EPHA7: variants seen among roughly 807,000 people sequenced by gnomAD.
EPHA7 encodes the protein ephrin type-A receptor 7.
In EPHA7, 25 loss-of-function variants were observed where a neutral mutation model predicts 112.6. The observed-to-expected ratio is 0.22, with a 90% CI of 0.16 to 0.31. EPHA7 has a LOEUF of 0.31. Ranked by LOEUF, EPHA7 falls within the 10% of genes least tolerant of loss-of-function variation. The pLI is 1.00. For missense variants in EPHA7, 962 were observed against 1,212.6 expected, an observed-to-expected ratio of 0.79 and a Z score of 3.07; for synonymous variants, 437 against 406.5, an observed-to-expected ratio of 1.07 and a Z score of -0.90.
At chr6:93,336,912 CAAA>C (rs750358186) in intron 5 of EPHA7, among the ~76,000 whole-genome samples, 11 of 147,642 alleles carry the variant, frequency 7.5e-5, no homozygotes, top group Non-Finnish European at 1.3e-4. Context: ...AAAGGAAAAA[CAAA>C]GAAGCTTTTA....
intron 5 of EPHA7, among the ~76,000 whole-genome samples, chr6:93,332,073 T>C (rs1055924109): frequency 6.6e-6 from 1 of 151,622 alleles, no homozygotes; most frequent in Non-Finnish European, 1.5e-5. Flanking sequence ...AAACAGGTAC[T>C]TGACTTTTGA....
intron 6 of EPHA7, 25 bp downstream of exon 6, chr6:93,272,273 C>T: frequency 6.2e-7 from 1 of 1,610,200 alleles, no homozygotes; most frequent in Non-Finnish European, 8.5e-7. Context: ...GCACATTGTA[C>T]ATTTCAGTTG....
intron 3 of EPHA7, among the ~76,000 whole-genome samples, chr6:93,364,718 C>A (rs1776425342): frequency 6.6e-6 from 1 of 151,790 alleles, no homozygotes; most frequent in South Asian, 2.1e-4. Flanking sequence ...TACCTATGTA[C>A]AACTACTGTG....
intron 5 of EPHA7, among the ~76,000 whole-genome samples, chr6:93,320,774 G>T (rs569101682): frequency 6.6e-6 from 1 of 151,962 alleles, no homozygotes; most frequent in East Asian, 1.9e-4. Flanking sequence ...ACACAGCTTT[G>T]CTAGTATTTA....
intron 5 of EPHA7, among the ~76,000 whole-genome samples, chr6:93,291,755 G>A (rs1003237990): frequency 2.1e-5 from 2 of 94,792 alleles, no homozygotes; most frequent in African/African-American, 8.2e-5. Context: ...GCGACAGAGC[G>A]AGACTCCGTC....
chr6:93,413,423 T>C (rs1779073019), intron 2 of EPHA7, among the ~76,000 whole-genome samples: 1 of 151,932 alleles, frequency 6.6e-6, no homozygotes, highest in Non-Finnish European at 1.5e-5. Flanking sequence ...TCCTCAGAGA[T>C]AAAACCATCC....
At chr6:93,243,619 T>C in intron 16 of EPHA7, 79 bp from the exon 17 acceptor site, 1 of 941,084 alleles carries the variant, frequency 1.1e-6, no homozygotes, top group Non-Finnish European at 1.7e-6. Flanking sequence ...AACTGTTTAA[T>C]TAAATACGTT....
Position 93,334,978 on chromosome 6 carries a change from A to G in EPHA7, c.1324+21739T>C, listed in dbSNP as rs1358842648. Among the ~76,000 whole-genome samples the G allele has an allele frequency of 2.0e-5, 3 of 152,130 alleles. 1 individual carries two copies. Among genetic ancestry groups the G allele is most frequent in the Middle Eastern group, 6.3e-3 (2 of 316 alleles). On this transcript the variant is annotated intron_variant, in intron 5 of 16. Transcript: ENST00000369303. Reference sequence around the variant, plus strand: ...AGTGTGAAAATCAAGGACAGGAAGAAATAAATAACCTAGAAGGCAACAAGA... The same window carrying G: ...AGTGTGAAAATCAAGGACAGGAAGAGATAAATAACCTAGAAGGCAACAAGA...
chr6:93,314,350 T>C (rs60846556), intron 5 of EPHA7, among the ~76,000 whole-genome samples: 375 of 152,308 alleles, frequency 2.5e-3, no homozygotes, highest in African/African-American at 8.7e-3. Flanking sequence ...ATCATCCTTA[T>C]TACTATTGTG....
chr6:93,300,363 T>A (rs1260026615), intron 5 of EPHA7, among the ~76,000 whole-genome samples: 1 of 152,172 alleles, frequency 6.6e-6, no homozygotes, highest in Non-Finnish European at 1.5e-5. Flanking sequence ...ATCTAAATTT[T>A]ATCAAAAATA....
Position 93,410,517 on chromosome 6 carries a change from T to C in EPHA7, c.816A>G (p.Lys272=). ...ATTACTTACGTTCACAAGTGTCTCC[T>C]TTTTGCTGGTAGCCTGCTTTGCAGA... ...KCICKAGYQQ[K]GDTCEPCGRG... The change falls in exon 3 of 17, where the codon AAA becomes AAG. Residue 272 remains lysine (K), a synonymous_variant. Coordinates refer to ENST00000369303, the MANE Select transcript of EPHA7 (RefSeq NM_004440.4). The surrounding 1 kb of genome is among the most constrained non-coding windows in gnomAD (Gnocchi z 4.0). 6.2e-7 allele frequency: 1 copy of C among 1,612,602 alleles called. No homozygotes were observed. Among genetic ancestry groups the C allele is most frequent in the Non-Finnish European group, 8.5e-7 (1 of 1,179,016 alleles).
chr6:93,323,111 T>C (rs1318687459), intron 5 of EPHA7, among the ~76,000 whole-genome samples: 1 of 151,710 alleles, frequency 6.6e-6, no homozygotes, highest in Non-Finnish European at 1.5e-5. Context: ...TAACATAGAA[T>C]TTTTTGATTA....
intron 1 of EPHA7, among the ~76,000 whole-genome samples, chr6:93,417,098 A>G (rs1429339943): frequency 6.6e-6 from 1 of 152,136 alleles, no homozygotes; most frequent in Non-Finnish European, 1.5e-5. Flanking sequence ...TACGGAGAGA[A>G]AAAGTAAGCA....
chr6:93,313,857 T>A (rs1197410444), intron 5 of EPHA7, among the ~76,000 whole-genome samples: 2 of 152,072 alleles, frequency 1.3e-5, no homozygotes, highest in African/African-American at 4.8e-5. Context: ...GAGAAAAATC[T>A]GGGGCAACAG....
chr6:93,336,148 A>C (rs1039306247), intron 5 of EPHA7, among the ~76,000 whole-genome samples: 1 of 152,178 alleles, frequency 6.6e-6, no homozygotes, highest in Non-Finnish European at 1.5e-5. Flanking sequence ...CTAGAATAAA[A>C]GTATTTTAAT....
At chr6:93,273,715 T>C (rs1476749535) in intron 5 of EPHA7, among the ~76,000 whole-genome samples, 1 of 151,988 alleles carries the variant, frequency 6.6e-6, no homozygotes, top group African/African-American at 2.4e-5. Context: ...GCATTTCTGA[T>C]ATATTTTCAA....
At chr6:93,267,399 G>A (rs1046779630) in intron 7 of EPHA7, among the ~76,000 whole-genome samples, 2 of 151,588 alleles carry the variant, frequency 1.3e-5, no homozygotes, top group South Asian at 2.1e-4. Flanking sequence ...TCCTATAACC[G>A]GACATGGCAG....
chr6:93,383,895 C>A (rs1777473644), intron 3 of EPHA7, among the ~76,000 whole-genome samples: 1 of 151,946 alleles, frequency 6.6e-6, no homozygotes, highest in African/African-American at 2.4e-5. Context: ...GCTTTGTTGC[C>A]CAGGCTGATC....
intron 13 of EPHA7, among the ~76,000 whole-genome samples, chr6:93,255,024 T>C (rs1446779655): frequency 6.6e-6 from 1 of 152,022 alleles, no homozygotes; most frequent in Admixed American, 6.6e-5. Flanking sequence ...GAGATTTGTG[T>C]GGTGTTAGGG....
Sources: gnomAD v4.1 joint callset for allele counts (sites outside exome capture counted in the v4.1 genomes callset) on GRCh38, gnomAD v4.1.1 for gene constraint, Gnocchi (gnomAD v3.1) non-coding constraint, MANE v1.5 for transcripts, NCBI Gene and HGNC (gene_info 2026-07-23, HGNC 2026-07-21) for gene names.